The following NPAS3 variants were observed in gnomAD, a reference collection of about 807,000 sequenced individuals.
The protein encoded by NPAS3 is neuronal PAS domain protein 3, also known as neuronal PAS domain-containing protein 3.
NPAS3 carries 14 observed loss-of-function variants against 73.1 expected under a neutral mutation model. The observed-to-expected ratio is 0.19, with a 90% confidence interval of 0.13 to 0.30. The LOEUF is 0.30. Ranked by LOEUF, NPAS3 falls within the 10% of genes least tolerant of loss-of-function variation. NPAS3 has a pLI of 1.00. For synonymous variants in NPAS3, 620 were observed against 541.5 expected, an observed-to-expected ratio of 1.14 and a Z score of -2.01; for missense variants, 1,096 against 1,250.0, an observed-to-expected ratio of 0.88 and a Z score of 1.86.
At chr14:33,639,954 A>T (rs2058630635) in intron 5 of NPAS3, among the ~76,000 whole-genome samples, 1 of 152,164 alleles carries the variant, frequency 6.6e-6, no homozygotes, top group African/African-American at 2.4e-5. Flanking sequence ...ACAGTGACTC[A>T]CACCTGTAGT....
At chr14:33,526,685 A>G (rs983591750) in intron 4 of NPAS3, among the ~76,000 whole-genome samples, 1 of 151,918 alleles carries the variant, frequency 6.6e-6, no homozygotes, top group Non-Finnish European at 1.5e-5. Context: ...AATGCAATAT[A>G]GGAAATAGCT....
At chr14:33,652,079 G>C (rs955050312) in intron 5 of NPAS3, among the ~76,000 whole-genome samples, 4 of 152,128 alleles carry the variant, frequency 2.6e-5, no homozygotes, top group Admixed American at 1.3e-4. Flanking sequence ...CTGTGCTTTG[G>C]AGACATTCAT....
At chr14:33,084,964 A>C (rs1595408082) in intron 2 of NPAS3, among the ~76,000 whole-genome samples, 2 of 152,316 alleles carry the variant, frequency 1.3e-5, no homozygotes, top group East Asian at 3.9e-4. Flanking sequence ...GGCACTGACC[A>C]GGGTGTTTCA....
chr14:33,525,036 A>G (rs369667857), intron 4 of NPAS3, among the ~76,000 whole-genome samples: 12 of 152,320 alleles, frequency 7.9e-5, no homozygotes, highest in African/African-American at 2.6e-4. Context: ...GAGAGAACAC[A>G]ATTCAACCCA....
intron 1 of NPAS3, among the ~76,000 whole-genome samples, chr14:32,999,122 G>A (rs551675293): frequency 6.6e-6 from 1 of 152,202 alleles, no homozygotes; most frequent in East Asian, 1.9e-4. Flanking sequence ...TTTAATTTCA[G>A]CTGTTGATTG....
chr14:33,130,383 C>T (rs565383329), intron 2 of NPAS3, among the ~76,000 whole-genome samples: 7 of 152,176 alleles, frequency 4.6e-5, no homozygotes, highest in South Asian at 4.1e-4. Flanking sequence ...GTTGAGAAAG[C>T]GAATGAAGGT....
At chr14:32,970,382 G>C (rs1334631262) in intron 1 of NPAS3, among the ~76,000 whole-genome samples, 1 of 151,956 alleles carries the variant, frequency 6.6e-6, no homozygotes, top group Non-Finnish European at 1.5e-5. Context: ...TTTGATTCTT[G>C]CACAGTTCCA....
intron 7 of NPAS3, among the ~76,000 whole-genome samples, chr14:33,766,061 A>G (rs925070907): frequency 4.6e-5 from 7 of 152,216 alleles, no homozygotes; most frequent in African/African-American, 1.7e-4. Context: ...AAAGTAAAGA[A>G]CAAAATAGGT....
At chr14:33,517,950 A>T (rs892494053) in intron 4 of NPAS3, among the ~76,000 whole-genome samples, 2 of 152,080 alleles carry the variant, frequency 1.3e-5, no homozygotes, top group Non-Finnish European at 2.9e-5. Context: ...ACCCTCCCTG[A>T]ACCAATATAG....
At chr14:33,609,472 T>C (rs1191971005) in intron 5 of NPAS3, among the ~76,000 whole-genome samples, 2 of 152,104 alleles carry the variant, frequency 1.3e-5, no homozygotes, top group African/African-American at 4.8e-5. Flanking sequence ...TCAACCCAAA[T>C]GTATTTGTAC....
chr14:32,966,282 A>T (rs776053676), intron 1 of NPAS3, among the ~76,000 whole-genome samples: 7 of 152,180 alleles, frequency 4.6e-5, no homozygotes, highest in Admixed American at 1.3e-4. Context: ...CAGGCATTAT[A>T]CTACCTAACT....
At chr14:33,426,397 T>C (rs1350745379) in intron 4 of NPAS3, among the ~76,000 whole-genome samples, 1 of 151,960 alleles carries the variant, frequency 6.6e-6, no homozygotes, top group Non-Finnish European at 1.5e-5. Context: ...AGCAGGGAGC[T>C]TGCTAACCTG....
At chr14:33,371,196 G>A (rs1460021924) in intron 4 of NPAS3, among the ~76,000 whole-genome samples, 2 of 152,146 alleles carry the variant, frequency 1.3e-5, no homozygotes, top group Non-Finnish European at 2.9e-5. Flanking sequence ...TGTCAAGGTA[G>A]CTAAGGATAA....
intron 2 of NPAS3, among the ~76,000 whole-genome samples, chr14:33,093,643 C>A (rs922319559): frequency 2.0e-5 from 3 of 152,126 alleles, no homozygotes; most frequent in Admixed American, 2.0e-4. Flanking sequence ...GATTATAAAT[C>A]ATGCTGCTAT....
chr14:33,393,763 A>G (rs927301177), intron 4 of NPAS3, among the ~76,000 whole-genome samples: 15 of 152,130 alleles, frequency 9.9e-5, no homozygotes, highest in African/African-American at 3.6e-4. Flanking sequence ...CAGTGCTCTC[A>G]GGGGATCTCT....
intron 2 of NPAS3, among the ~76,000 whole-genome samples, chr14:33,200,582 T>C (rs966038147): frequency 6.6e-6 from 1 of 152,148 alleles, no homozygotes; most frequent in Admixed American, 6.5e-5. Context: ...CACAGGTTGC[T>C]AATTGCCACA....
intron 3 of NPAS3, among the ~76,000 whole-genome samples, chr14:33,333,034 C>A (rs945016850): frequency 2.6e-5 from 4 of 152,172 alleles, no homozygotes; most frequent in African/African-American, 4.8e-5. Context: ...GGGCTGCCAC[C>A]TGTGGCTGCA....
chr14:33,088,906 G>C (rs2042125205), intron 2 of NPAS3, among the ~76,000 whole-genome samples: 1 of 152,182 alleles, frequency 6.6e-6, no homozygotes, highest in Admixed American at 6.5e-5. Flanking sequence ...CTGATACCCA[G>C]GCAGACAGGG....
intron 5 of NPAS3, among the ~76,000 whole-genome samples, chr14:33,566,446 C>A (rs952617617): frequency 2.0e-5 from 3 of 152,080 alleles, no homozygotes; most frequent in Non-Finnish European, 4.4e-5. Flanking sequence ...TTCTTCCCCC[C>A]TTTTCCTTCC....
Sources: allele counts gnomAD v4.1 joint callset (sites outside exome capture counted in the v4.1 genomes callset), GRCh38; gene constraint gnomAD v4.1.1; transcripts MANE v1.5; gene names NCBI Gene and HGNC (gene_info 2026-07-23, HGNC 2026-07-21).